Variants in LOXHD1 observed in about 807,000 individuals in gnomAD.
The protein encoded by LOXHD1 is lipoxygenase homology PLAT domains 1.
A neutral mutation model predicts 248.2 loss-of-function variants in LOXHD1; 205 were observed. The observed-to-expected ratio is 0.83, with a 90% CI of 0.74 to 0.93. The LOEUF is 0.93. Ranked by LOEUF, LOXHD1 falls within the 40% of genes least tolerant of loss-of-function variation. The pLI is 0.00. For missense variants in LOXHD1, 2,930 were observed against 2,971.6 expected, an observed-to-expected ratio of 0.99 and a Z score of 0.33; for synonymous variants, 1,113 against 1,162.8, an observed-to-expected ratio of 0.96 and a Z score of 0.87.
chr18:46,559,100 C>G, intron 20 of LOXHD1: 1 of 1,306,988 alleles, frequency 7.7e-7, no homozygotes, highest in Non-Finnish European at 1.0e-6. Context: ...TAAGTTGCTC[C>G]CTCCCCCTAG....
At chr18:46,519,757 T>A (rs2035473294) in intron 33 of LOXHD1, among the ~76,000 whole-genome samples, 1 of 152,212 alleles carries the variant, frequency 6.6e-6, no homozygotes, top group Admixed American at 6.5e-5. Context: ...CATCTTTCTC[T>A]CCTTTACACA....
At chr18:46,626,162 CA>C (rs1233276906) in intron 4 of LOXHD1, among the ~76,000 whole-genome samples, 2 of 152,082 alleles carry the variant, frequency 1.3e-5, no homozygotes, top group African/African-American at 4.8e-5. Flanking sequence ...TTAATACTGA[CA>C]AAAAATAGGG....
At chr18:46,588,082 C>T (rs1179324555) in intron 12 of LOXHD1, among the ~76,000 whole-genome samples, 1 of 152,086 alleles carries the variant, frequency 6.6e-6, no homozygotes, top group Non-Finnish European at 1.5e-5. Context: ...ACACATTATA[C>T]ATTTCACACT....
At chr18:46,537,394 G>C (rs2144313176) in intron 26 of LOXHD1, among the ~76,000 whole-genome samples, 1 of 152,258 alleles carries the variant, frequency 6.6e-6, no homozygotes, top group East Asian at 1.9e-4. Context: ...GCCTATGACA[G>C]TGCCCTCTGA....
chr18:46,490,379 C>G (rs140432093), intron 37 of LOXHD1, among the ~76,000 whole-genome samples: 1 of 152,218 alleles, frequency 6.6e-6, no homozygotes, highest in Non-Finnish European at 1.5e-5. Flanking sequence ...GTACTTCTTA[C>G]GTTTTGTAAA....
intron 37 of LOXHD1, among the ~76,000 whole-genome samples, chr18:46,499,051 T>A (rs2034056319): frequency 6.6e-6 from 1 of 152,226 alleles, no homozygotes; most frequent in Non-Finnish European, 1.5e-5. Flanking sequence ...AATTTACTTA[T>A]TCATATAATT....
chr18:46,575,902 C>T (rs572387765), intron 14 of LOXHD1, among the ~76,000 whole-genome samples: 1 of 152,188 alleles, frequency 6.6e-6, no homozygotes, highest in Non-Finnish European at 1.5e-5. Flanking sequence ...AAGAGTCTCC[C>T]TCGCCCTGCC....
chr18:46,579,855 C>T, intron 12 of LOXHD1, 71 bp from the exon 13 acceptor site: 1 of 1,484,314 alleles, frequency 6.7e-7, no homozygotes, highest in Non-Finnish European at 9.0e-7. Context: ...GCTGCTCCCA[C>T]TTCTAAGCTC....
intron 34 of LOXHD1, among the ~76,000 whole-genome samples, chr18:46,517,345 G>T (rs1404004597): frequency 6.6e-6 from 1 of 152,150 alleles, no homozygotes. Flanking sequence ...GGCCATCTGG[G>T]TATAGTTTGC....
Position 46,601,448 on chromosome 18 carries a change from G to A in LOXHD1, c.903C>T (p.Thr301=), listed in dbSNP as rs779306909. ...CCCCCCGGACATCCCCAGTGAAGACGGTGACAATATACGTAATAGCTGGTG... is the reference window on the plus strand; with the variant it reads ...CCCCCCGGACATCCCCAGTGAAGACAGTGACAATATACGTAATAGCTGGTG... ...AETTAITYIV[T]VFTGDVRGAG... The change falls in exon 8 of 41, where the codon ACC becomes ACT. Residue 301 remains threonine, a synonymous_variant. Transcript: ENST00000642948. 6 of 1,551,592 alleles carry A rather than the reference G, an allele frequency of 3.9e-6. No homozygotes were observed. Among genetic ancestry groups the A allele is most frequent in the Middle Eastern group, 1.7e-4 (1 of 6,014 alleles).
intron 1 of LOXHD1, among the ~76,000 whole-genome samples, chr18:46,656,147 T>C (rs115966192): frequency 6.6e-6 from 1 of 152,230 alleles, no homozygotes; most frequent in African/African-American, 2.4e-5. Flanking sequence ...CACTGATGAG[T>C]AAACCAGACC....
chr18:46,558,152 G>T (rs11082538), intron 20 of LOXHD1: 46,056 of 770,172 alleles, frequency 0.06, 1,427 homozygotes, highest in South Asian at 0.12. Context: ...ATAGTATGAT[G>T]AAAGTTCATA....
chr18:46,594,532 A>G, intron 8 of LOXHD1, 66 bp from the exon 9 acceptor site: 1 of 1,539,732 alleles, frequency 6.5e-7, no homozygotes, highest in Non-Finnish European at 8.8e-7. Flanking sequence ...CGTGATGTTC[A>G]GCAGGCTCCC....
intron 13 of LOXHD1, among the ~76,000 whole-genome samples, chr18:46,578,393 T>C (rs1253715471): frequency 1.3e-5 from 2 of 152,016 alleles, no homozygotes; most frequent in Non-Finnish European, 2.9e-5. Context: ...GACAAAGGCG[T>C]CAGAAGATGT....
intron 25 of LOXHD1, among the ~76,000 whole-genome samples, chr18:46,539,010 C>T (rs2036441932): frequency 6.6e-6 from 1 of 152,158 alleles, no homozygotes; most frequent in Non-Finnish European, 1.5e-5. Context: ...ATTGGTCCCA[C>T]CAGGGACTAT....
chr18:46,531,145 C>T (rs2036046626), intron 28 of LOXHD1, among the ~76,000 whole-genome samples: 1 of 152,110 alleles, frequency 6.6e-6, no homozygotes, highest in Non-Finnish European at 1.5e-5. Context: ...TCCAAAGCTC[C>T]TGAGTGCATT....
chr18:46,526,454 G>C (rs1169965119), intron 29 of LOXHD1, among the ~76,000 whole-genome samples: 2 of 152,254 alleles, frequency 1.3e-5, no homozygotes, highest in African/African-American at 2.4e-5. Context: ...ATGTATAACA[G>C]TAATACCACG....
rs865810581 is a variant in LOXHD1 at position 46,623,551 on chromosome 18, C to T, written c.512-5261G>A. Among the ~76,000 whole-genome samples the T allele has an allele frequency of 3.9e-5, 6 of 152,344 alleles. 1 individual carries two copies. The Middle Eastern group carries it at 0.017, about 432-fold the overall frequency. On this transcript the variant is annotated intron_variant, in intron 4 of 40. Coordinates refer to ENST00000642948, the MANE Select transcript of LOXHD1 (RefSeq NM_001384474.1). ...GGCCACAACAGAGGGTTGTCTGTGC[C>T]CCCCTTGCCCTGCTCAGTGGATGCA...
At chr18:46,580,132 A>G (rs1417497601) in intron 12 of LOXHD1, among the ~76,000 whole-genome samples, 2 of 152,138 alleles carry the variant, frequency 1.3e-5, no homozygotes, top group Non-Finnish European at 2.9e-5. Flanking sequence ...AGGTTTCTCA[A>G]CTCTGAATTT....
Sources: allele counts gnomAD v4.1 joint callset (sites outside exome capture counted in the v4.1 genomes callset), GRCh38; gene constraint gnomAD v4.1.1; transcripts MANE v1.5; gene names NCBI Gene and HGNC (gene_info 2026-07-23, HGNC 2026-07-21).